ROR1: variants seen among roughly 807,000 people sequenced by gnomAD.
ROR1 encodes the protein inactive tyrosine-protein kinase transmembrane receptor ROR1.
In ROR1, 19 loss-of-function variants were observed where a neutral mutation model predicts 78.8. That is an observed-to-expected ratio of 0.24 (90% CI 0.17 to 0.35). The LOEUF is 0.35. Among genes scored for constraint, ROR1 ranks in the 10% least tolerant of loss-of-function variants. The pLI, the probability that ROR1 is intolerant of heterozygous loss-of-function variation, is 1.00. For synonymous variants in ROR1, 386 were observed against 433.6 expected, an observed-to-expected ratio of 0.89 and a Z score of 1.36; for missense variants, 917 against 1,177.8, an observed-to-expected ratio of 0.78 and a Z score of 3.24.
intron 1 of ROR1, among the ~76,000 whole-genome samples, chr1:63,975,032 T>A (rs904089084): frequency 1.4e-4 from 21 of 152,326 alleles, no homozygotes; most frequent in African/African-American, 3.8e-4. Flanking sequence ...GAGCTTTTTT[T>A]AAATTATCTA....
intron 1 of ROR1, among the ~76,000 whole-genome samples, chr1:63,940,498 C>CAGATAGATAGATAGATAGATAGAT (rs71584420): frequency 2.7e-5 from 2 of 75,138 alleles, no homozygotes; most frequent in South Asian, 5.4e-4. Flanking sequence ...GATAGACAGA[C>CAGATAGATAGATAGATAGATAGAT]AGATAGATAG....
At chr1:64,011,178 C>A (rs1268994646) in intron 2 of ROR1, among the ~76,000 whole-genome samples, 1 of 152,066 alleles carries the variant, frequency 6.6e-6, no homozygotes, top group East Asian at 1.9e-4. Flanking sequence ...TTTTCTATTG[C>A]CAAATTTGAC....
At chr1:63,857,677 A>AT (rs1184883429) in intron 1 of ROR1, among the ~76,000 whole-genome samples, 1 of 152,236 alleles carries the variant, frequency 6.6e-6, no homozygotes, top group Non-Finnish European at 1.5e-5. Flanking sequence ...ACTGGAGACA[A>AT]TTGACAGTGG....
intron 1 of ROR1, among the ~76,000 whole-genome samples, chr1:63,936,718 G>A (rs1645797032): frequency 6.6e-6 from 1 of 152,122 alleles, no homozygotes; most frequent in South Asian, 2.1e-4. Context: ...TAGAGATCTG[G>A]GGCAGGTGAT....
intron 1 of ROR1, among the ~76,000 whole-genome samples, chr1:63,872,214 T>C (rs1645256735): frequency 6.6e-6 from 1 of 152,206 alleles, no homozygotes; most frequent in Admixed American, 6.5e-5. Context: ...CCTTCCCTGG[T>C]AAATCTGAAT....
intron 4 of ROR1, among the ~76,000 whole-genome samples, chr1:64,063,091 C>T (rs753207114): frequency 1.3e-5 from 2 of 152,082 alleles, no homozygotes; most frequent in Non-Finnish European, 2.9e-5. Flanking sequence ...GCTCATATAC[C>T]ATTGTAACCA....
intron 1 of ROR1, among the ~76,000 whole-genome samples, chr1:63,980,124 A>T: frequency 6.6e-6 from 1 of 151,884 alleles, no homozygotes; most frequent in East Asian, 1.9e-4. Context: ...TTATGAGAAA[A>T]AAATATATTT....
chr1:64,086,299 CA>C (rs1411626148), intron 4 of ROR1, among the ~76,000 whole-genome samples: 4 of 152,220 alleles, frequency 2.6e-5, no homozygotes, highest in Non-Finnish European at 5.9e-5. Context: ...AGCTATGAAG[CA>C]GAGGTTCAAA....
chr1:64,088,975 C>T (rs1462243668), intron 4 of ROR1, among the ~76,000 whole-genome samples: 1 of 151,806 alleles, frequency 6.6e-6, no homozygotes, highest in Non-Finnish European at 1.5e-5. Flanking sequence ...GTTCTGGACA[C>T]AGTGATTTTT....
chr1:63,834,362 C>T (rs187807527), intron 1 of ROR1, among the ~76,000 whole-genome samples: 18 of 152,054 alleles, frequency 1.2e-4, no homozygotes, highest in Admixed American at 3.3e-4. Flanking sequence ...TGCCTGTATA[C>T]GGATGTATAA....
chr1:64,012,803 C>CA (rs1358372194), intron 2 of ROR1, among the ~76,000 whole-genome samples: 7 of 151,526 alleles, frequency 4.6e-5, no homozygotes, highest in Non-Finnish European at 1.0e-4. Context: ...GATAATATGA[C>CA]AAAAAAGGCA....
At chr1:63,854,988 A>T (rs991736720) in intron 1 of ROR1, among the ~76,000 whole-genome samples, 17 of 151,948 alleles carry the variant, frequency 1.1e-4, no homozygotes, top group African/African-American at 3.9e-4. Flanking sequence ...TGTATTATTT[A>T]TTATTATTAT....
intron 2 of ROR1, among the ~76,000 whole-genome samples, chr1:64,032,340 C>CAAAA (rs66602515): frequency 2.6e-5 from 2 of 76,322 alleles, no homozygotes; most frequent in African/African-American, 5.1e-5. Flanking sequence ...GACTCCGTCT[C>CAAAA]AAAAAAAAAA....
chr1:63,967,202 C>T (rs1646082282), intron 1 of ROR1, among the ~76,000 whole-genome samples: 1 of 152,114 alleles, frequency 6.6e-6, no homozygotes, highest in African/African-American at 2.4e-5. Context: ...TCATTTTATG[C>T]AACTTGTTGG....
chr1:63,954,879 C>A (rs188002836), intron 1 of ROR1, among the ~76,000 whole-genome samples: 1 of 151,978 alleles, frequency 6.6e-6, no homozygotes, highest in Non-Finnish European at 1.5e-5. Context: ...TACCAAGGGA[C>A]GACTGTAATT....
At chr1:63,826,261 A>C (rs180795458) in intron 1 of ROR1, among the ~76,000 whole-genome samples, 6 of 151,882 alleles carry the variant, frequency 4.0e-5, no homozygotes, top group African/African-American at 1.5e-4. Flanking sequence ...CCACCTTCCT[A>C]TATGCCCTAG....
intron 1 of ROR1, among the ~76,000 whole-genome samples, chr1:63,834,041 T>C (rs1024802057): frequency 1.3e-5 from 2 of 150,892 alleles, no homozygotes; most frequent in African/African-American, 4.9e-5. Context: ...AAAAGCTCAG[T>C]TAGTTACTGA....
intron 2 of ROR1, among the ~76,000 whole-genome samples, chr1:64,028,647 TA>T (rs201176702): frequency 0.015 from 2,224 of 152,216 alleles, 51 homozygotes; most frequent in African/African-American, 0.051. Flanking sequence ...TAAGAGGACT[TA>T]AAAAAAATTT....
chr1:64,133,054 G>T (rs1361409338), intron 4 of ROR1, among the ~76,000 whole-genome samples: 1 of 152,130 alleles, frequency 6.6e-6, no homozygotes. Flanking sequence ...TATGAAACTG[G>T]AAATCTGTGG....
Sources: gnomAD v4.1 joint callset for allele counts (sites outside exome capture counted in the v4.1 genomes callset) on GRCh38, gnomAD v4.1.1 for gene constraint, MANE v1.5 for transcripts, NCBI Gene and HGNC (gene_info 2026-07-23, HGNC 2026-07-21) for gene names.